The following CALN1 variants were observed in gnomAD, a reference collection of about 807,000 sequenced individuals.
CALN1 encodes calneuron 1.
A neutral mutation model predicts 30.6 loss-of-function variants in CALN1; 17 were observed. The observed-to-expected ratio is 0.56, with a 90% CI of 0.38 to 0.83. The LOEUF (loss-of-function observed/expected upper bound fraction) is 0.83, where lower values mean the gene tolerates loss of function less well. Among genes scored for constraint, CALN1 ranks in the 40% least tolerant of loss-of-function variants. The pLI, the probability that CALN1 is intolerant of heterozygous loss-of-function variation, is 0.00. For synonymous variants in CALN1, 156 were observed against 131.4 expected, an observed-to-expected ratio of 1.19 and a Z score of -1.28; for missense variants, 291 against 354.9, an observed-to-expected ratio of 0.82 and a Z score of 1.45.
chr7:72,459,625 C>CAAAAAAAAAAAAAAAAAAAA, the CALN1 span, among the ~76,000 whole-genome samples: 1 of 44,460 alleles, frequency 2.2e-5, no homozygotes, highest in Non-Finnish European at 5.0e-5. Context: ...AACCCTGTCT[C>CAAAAAAAAAAAAAAAAAAAA]AAAAAAAAAA....
At chr7:72,226,155 G>C (rs915400880) in intron 3 of CALN1, among the ~76,000 whole-genome samples, 4 of 151,172 alleles carry the variant, frequency 2.6e-5, no homozygotes, top group Non-Finnish European at 5.9e-5. Flanking sequence ...TGAGGCAGGA[G>C]AATCGCTTGA....
intron 2 of CALN1, among the ~76,000 whole-genome samples, chr7:72,383,201 G>A (rs1165433685): frequency 1.3e-5 from 2 of 152,166 alleles, no homozygotes; most frequent in Non-Finnish European, 2.9e-5. Flanking sequence ...CTTTGCTATT[G>A]TGAATAATGC....
intron 3 of CALN1, among the ~76,000 whole-genome samples, chr7:72,110,217 T>C (rs369290014): frequency 7.2e-5 from 11 of 152,128 alleles, no homozygotes; most frequent in East Asian, 1.9e-4. Flanking sequence ...CATCCTTACA[T>C]TGGGCGACAC....
intron 5 of CALN1, among the ~76,000 whole-genome samples, chr7:71,818,720 A>G (rs200681165): frequency 2.6e-5 from 2 of 77,554 alleles, no homozygotes; most frequent in Non-Finnish European, 5.6e-5. Context: ...TTATTTATTT[A>G]TTTTTTTGAG....
intron 4 of CALN1, among the ~76,000 whole-genome samples, chr7:72,040,323 TA>T (rs11316833): frequency 0.29 from 40,819 of 141,408 alleles, 5,631 homozygotes; most frequent in Middle Eastern, 0.36. Context: ...AAAATTACAA[TA>T]AAAAAAAAAA....
chr7:72,387,220 AG>A (rs1805266757), intron 2 of CALN1, among the ~76,000 whole-genome samples: 1 of 82,206 alleles, frequency 1.2e-5, no homozygotes, highest in Non-Finnish European at 2.4e-5. Flanking sequence ...GAAGGAAGGA[AG>A]GGAAGGAAGG....
intron 5 of CALN1, among the ~76,000 whole-genome samples, chr7:71,946,008 G>C (rs1796389074): frequency 6.6e-6 from 1 of 152,184 alleles, no homozygotes; most frequent in South Asian, 2.1e-4. Flanking sequence ...CCCATGAACG[G>C]AATTCTGCTC....
chr7:72,261,699 A>G (rs1266824798), intron 3 of CALN1, among the ~76,000 whole-genome samples: 2 of 152,146 alleles, frequency 1.3e-5, no homozygotes, highest in African/African-American at 4.8e-5. Flanking sequence ...AAGTGCTGGG[A>G]TTATAGGCAT....
At chr7:72,024,862 CTCACT>C (rs1562986682) in intron 4 of CALN1, among the ~76,000 whole-genome samples, 1 of 152,200 alleles carries the variant, frequency 6.6e-6, no homozygotes, top group African/African-American at 2.4e-5. Flanking sequence ...GATGCCTTCC[CTCACT>C]TGTCTATCTG....
At chr7:71,851,342 C>A (rs560026415) in intron 5 of CALN1, among the ~76,000 whole-genome samples, 1 of 141,496 alleles carries the variant, frequency 7.1e-6, no homozygotes, top group African/African-American at 2.6e-5. Context: ...ATGCCAAAAC[C>A]CCATCTCTAC....
At chr7:72,465,291 C>T in the CALN1 span, among the ~76,000 whole-genome samples, 1 of 149,836 alleles carries the variant, frequency 6.7e-6, no homozygotes, top group Non-Finnish European at 1.5e-5. Context: ...ATGCACCTCC[C>T]ATACATATTT....
chr7:72,311,529 G>A (rs1036390939), intron 2 of CALN1, among the ~76,000 whole-genome samples: 7 of 151,996 alleles, frequency 4.6e-5, no homozygotes, highest in African/African-American at 1.7e-4. Context: ...GCCCAGGCTA[G>A]AGTCCAGTGG....
At chr7:71,810,301 C>G (rs569368548) in intron 6 of CALN1, 35 bp downstream of exon 6, 172 of 1,605,996 alleles carry the variant, frequency 1.1e-4, no homozygotes, top group Non-Finnish European at 1.4e-4. Flanking sequence ...TGGCCTGTCC[C>G]GGACCGGGGA....
the CALN1 span, among the ~76,000 whole-genome samples, chr7:72,479,458 T>C: frequency 3.2e-3 from 488 of 152,288 alleles, 3 homozygotes; most frequent in African/African-American, 0.011. Flanking sequence ...GAAATTTTGC[T>C]TAACATAAGG....
At chr7:72,215,782 G>A (rs1792755791) in intron 3 of CALN1, among the ~76,000 whole-genome samples, 1 of 152,076 alleles carries the variant, frequency 6.6e-6, no homozygotes, top group Non-Finnish European at 1.5e-5. Flanking sequence ...TGCTGCACGA[G>A]GCCTTTGGGA....
In CALN1 at chr7:72,434,297, G is replaced by A. The variant is rs145225654; in HGVS notation, c.-226+12745C>T. On this transcript the variant is annotated intron_variant, in intron 1 of 6. Coordinates refer to the CALN1 transcript ENST00000395276. ...GCGGGTGGATCACCTGAGGTCAGGA[G>A]TTTGAGACCAGCCTGGCCAACATGC... is the stretch of plus-strand genomic sequence containing the variant. Among the ~76,000 whole-genome samples the A allele has an allele frequency of 2.8e-3, 425 of 149,324 alleles. 2 individuals are homozygous for A. Among genetic ancestry groups the A allele is most frequent in the Admixed American group, 5.5e-3 (82 of 14,820 alleles).
intron 3 of CALN1, among the ~76,000 whole-genome samples, chr7:72,134,063 G>T (rs1403218936): frequency 6.6e-6 from 1 of 152,220 alleles, no homozygotes; most frequent in East Asian, 1.9e-4. Context: ...CTGCCCTCTT[G>T]AATGGATTAG....
At chr7:72,235,569 G>C (rs1794418392) in intron 3 of CALN1, among the ~76,000 whole-genome samples, 1 of 152,130 alleles carries the variant, frequency 6.6e-6, no homozygotes, top group South Asian at 2.1e-4. Context: ...CAGCAGAGAA[G>C]GATGTCAAAG....
Position 72,115,109 on chromosome 7 carries a change from A to AT in CALN1, c.245-8816_245-8815insA, listed in dbSNP as rs1242154825. Among the ~76,000 whole-genome samples the AT allele has an allele frequency of 3.0e-4, 44 of 148,084 alleles. No individual in the cohort carries two copies. The East Asian group carries it at 8.4e-3, about 28-fold the overall frequency. On this transcript the variant is annotated intron_variant, in intron 3 of 6. Transcript: ENST00000395275. ...GGACATTATACTATATATATAGTAT[A>AT]ATATATATAGTATAATATAAATATA... is the stretch of plus-strand genomic sequence containing the variant.
Sources: allele counts gnomAD v4.1 joint callset (sites outside exome capture counted in the v4.1 genomes callset), GRCh38; gene constraint gnomAD v4.1.1; transcripts MANE v1.5; gene names NCBI Gene and HGNC (gene_info 2026-07-23, HGNC 2026-07-21).